Variants in THEMIS observed in about 807,000 individuals in gnomAD.
THEMIS encodes thymocyte selection associated.
A neutral mutation model predicts 52.6 loss-of-function variants in THEMIS; 37 were observed. That is an observed-to-expected ratio of 0.70 (90% CI 0.54 to 0.93). THEMIS has a LOEUF of 0.93. Ranked by LOEUF, THEMIS falls within the 40% of genes least tolerant of loss-of-function variation. The pLI is 0.00. For synonymous variants in THEMIS, 292 were observed against 272.7 expected (o/e 1.07, Z -0.70); for missense variants, 808 against 763.1 (o/e 1.06, Z -0.69).
chr6:127,861,099 C>T (rs1487526630), intron 1 of THEMIS, among the ~76,000 whole-genome samples: 3 of 152,000 alleles, frequency 2.0e-5, no homozygotes, highest in Non-Finnish European at 4.4e-5. Context: ...CATATTTCAC[C>T]CAAATTTTTA....
At chr6:127,747,965 CA>C (rs1427759978) in intron 4 of THEMIS, among the ~76,000 whole-genome samples, 7 of 151,974 alleles carry the variant, frequency 4.6e-5, no homozygotes, top group African/African-American at 1.7e-4. Context: ...AATAAACTTC[CA>C]AGGAAACCAT....
At chr6:127,823,119 A>C (rs1025105514) in intron 3 of THEMIS, among the ~76,000 whole-genome samples, 21 of 152,286 alleles carry the variant, frequency 1.4e-4, no homozygotes, top group Non-Finnish European at 2.2e-4. Context: ...GGTAATGTAA[A>C]AATAAATATA....
chr6:127,813,583 T>C lies in THEMIS; in HGVS notation c.1058A>G (p.Tyr353Cys), dbSNP rs1480640574. 3.7e-6 allele frequency: 6 copies of C among 1,614,094 alleles called. No individual in the cohort carries two copies. The highest frequency in any genetic ancestry group is 1.7e-4 in the Middle Eastern group (1 of 6,060). ...TTCACTCTTAGCGATCTCTAGGTCA[T>C]AGGCCGTTGGGAACTCCCTCGGTCG... is the stretch of plus-strand genomic sequence containing the variant. ...KRRPREFPTA[Y>C]DLEIAKSEKE... The change falls in exon 4 of 6, where the codon TAT becomes TGT. Residue 353 changes from tyrosine to cysteine, a missense_variant. By Grantham distance (194) the Tyr-to-Cys change is radical. Coordinates refer to ENST00000368248, the MANE Select transcript of THEMIS (RefSeq NM_001010923.3).
At chr6:127,822,588 C>G (rs1778376919) in intron 3 of THEMIS, among the ~76,000 whole-genome samples, 1 of 152,072 alleles carries the variant, frequency 6.6e-6, no homozygotes, top group African/African-American at 2.4e-5. Flanking sequence ...CTAAGAAAAG[C>G]AAATAAACAC....
intron 1 of THEMIS, among the ~76,000 whole-genome samples, chr6:127,898,649 T>C (rs1422189097): frequency 3.3e-5 from 5 of 151,830 alleles, no homozygotes; most frequent in African/African-American, 1.2e-4. Context: ...CACTGCTGGA[T>C]ATATATTCAA....
Position 127,811,006 on chromosome 6 carries a change from T to C in THEMIS, c.1758+1877A>G, listed in dbSNP as rs1777887242. ...CTTAGCTGTACCCTTAAGTGCTCTA[T>C]GGGTACATGTGCTAATAAATTCATT... On this transcript the variant is annotated intron_variant, in intron 4 of 5. Coordinates refer to ENST00000368248, the MANE Select transcript of THEMIS (RefSeq NM_001010923.3). Among the ~76,000 whole-genome samples, 4 of 152,104 alleles carry C rather than the reference T, an allele frequency of 2.6e-5. No individual in the cohort carries two copies. In the South Asian group the frequency reaches 8.3e-4, roughly 31 times the overall value.
At chr6:127,718,680 C>T (rs1018921490) in intron 5 of THEMIS, among the ~76,000 whole-genome samples, 1 of 151,898 alleles carries the variant, frequency 6.6e-6, no homozygotes, top group Non-Finnish European at 1.5e-5. Context: ...GTGGTTGTTT[C>T]TTTTATAGTC....
intron 4 of THEMIS, among the ~76,000 whole-genome samples, chr6:127,733,852 T>C (rs1317968626): frequency 6.6e-6 from 1 of 152,086 alleles, no homozygotes; most frequent in Non-Finnish European, 1.5e-5. Context: ...TGACATGTAG[T>C]AAACAGAAAA....
chr6:127,854,171 A>G (rs1267485473), intron 2 of THEMIS, among the ~76,000 whole-genome samples: 1 of 151,810 alleles, frequency 6.6e-6, no homozygotes. Flanking sequence ...AGCAGAGGTC[A>G]GCAAACTACA....
At chr6:127,802,343 C>T (rs945056863) in intron 4 of THEMIS, among the ~76,000 whole-genome samples, 3 of 152,188 alleles carry the variant, frequency 2.0e-5, no homozygotes, top group Admixed American at 6.5e-5. Context: ...TATGTCAGAT[C>T]TAACGAGGGA....
downstream of THEMIS, among the ~76,000 whole-genome samples, chr6:127,707,040 A>C (rs1156600008): frequency 6.6e-6 from 1 of 152,156 alleles, no homozygotes; most frequent in African/African-American, 2.4e-5. Flanking sequence ...GGAAGCAAAC[A>C]CGTCCTTCTT....
At chr6:127,703,490 AC>A (rs1773756379), downstream of THEMIS, among the ~76,000 whole-genome samples, 1 of 152,300 alleles carries the variant, frequency 6.6e-6, no homozygotes, top group African/African-American at 2.4e-5. Context: ...GGGCTCAGAC[AC>A]CAAGCTGCAG....
the THEMIS span, among the ~76,000 whole-genome samples, chr6:127,700,934 C>G: frequency 6.6e-6 from 1 of 152,012 alleles, no homozygotes; most frequent in Non-Finnish European, 1.5e-5. Flanking sequence ...GCTCTCATCC[C>G]CAATCTCTCC....
At chr6:127,880,447 A>T (rs1229666673) in intron 1 of THEMIS, among the ~76,000 whole-genome samples, 1 of 151,906 alleles carries the variant, frequency 6.6e-6, no homozygotes, top group Non-Finnish European at 1.5e-5. Context: ...TTTAAAAATC[A>T]GGGTGGTTTC....
rs543008326 is a variant in THEMIS, at chr6:127,911,349, CATTTATTT to C, written c.-150+7071_-150+7078del. Among the ~76,000 whole-genome samples the C allele has an allele frequency of 8.5e-4, 128 of 150,670 alleles. 4 individuals are homozygous for C. Among genetic ancestry groups the C allele is most frequent in the African/African-American group, 2.9e-3 (119 of 40,440 alleles). On this transcript the variant is annotated intron_variant, in intron 1 of 6. Transcript: ENST00000368250. ...AAGGAGATATTTCTGTCTTCTCCTTCATTTATTTATTTATTTATTTATTTAATCATGAG... is the reference window on the plus strand; with the variant it reads ...AAGGAGATATTTCTGTCTTCTCCTTCATTTATTTATTTATTTAATCATGAG...
intron 1 of THEMIS, among the ~76,000 whole-genome samples, chr6:127,882,789 C>T (rs764864006): frequency 2.6e-5 from 4 of 151,730 alleles, no homozygotes; most frequent in East Asian, 1.9e-4. Context: ...TGAATACATG[C>T]GAGTAGAATA....
Position 127,817,087 on chromosome 6 carries a change from A to G in THEMIS, c.710-3156T>C, listed in dbSNP as rs144071766. ...CACCCTTCACCTTCTATCATTCCAT[A>G]TAACTTGTTAATTTATATTATGAAC... On this transcript the variant is annotated intron_variant, in intron 3 of 5. Transcript: ENST00000368248. 2.8e-3 allele frequency among the ~76,000 whole-genome samples: 427 copies of G among 152,286 alleles called. 2 individuals carry two copies. Among genetic ancestry groups the G allele is most frequent in the African/African-American group, 9.5e-3 (395 of 41,546 alleles).
At chr6:127,826,336 T>G (rs1034306797) in intron 3 of THEMIS, among the ~76,000 whole-genome samples, 2 of 152,152 alleles carry the variant, frequency 1.3e-5, no homozygotes, top group African/African-American at 4.8e-5. Flanking sequence ...AAAGAGGAAG[T>G]CTCAGTATTC....
chr6:127,865,981 G>A (rs1156910005), intron 1 of THEMIS, among the ~76,000 whole-genome samples: 1 of 152,024 alleles, frequency 6.6e-6, no homozygotes, highest in Non-Finnish European at 1.5e-5. Flanking sequence ...TTTCAATAAG[G>A]TTAATCATTT....
Sources: allele counts gnomAD v4.1 joint callset (sites outside exome capture counted in the v4.1 genomes callset), GRCh38; gene constraint gnomAD v4.1.1; transcripts MANE v1.5; gene names NCBI Gene and HGNC (gene_info 2026-07-23, HGNC 2026-07-21).